The following GIMAP5 variants were observed in gnomAD, a reference collection of about 807,000 sequenced individuals.
GIMAP5 encodes the protein GTPase IMAP family member 5.
In GIMAP5, 8 loss-of-function variants were observed where a neutral mutation model predicts 9.9. The ratio of observed to expected loss-of-function variants is 0.81; its 90% confidence interval spans 0.47 to 1.45. The LOEUF is 1.45. Ranked by LOEUF, GIMAP5 falls within the 40% of genes most tolerant of loss-of-function variation. GIMAP5 has a pLI of 0.00. For synonymous variants in GIMAP5, 174 were observed against 151.4 expected (o/e 1.15, Z -1.09); for missense variants, 353 against 367.4 (o/e 0.96, Z 0.32).
intron 1 of GIMAP5, chr7:150,739,984 G>A (rs571245806): frequency 5.3e-5 from 8 of 152,254 alleles, no homozygotes; most frequent in Admixed American, 2.0e-4. Context: ...GTAAGTTTAA[G>A]CCAATTAAGA....
Position 150,742,774 on chromosome 7 carries a change from G to A in GIMAP5, c.635G>A (p.Arg212Lys). 1 of 1,614,134 alleles carries A rather than the reference G, an allele frequency of 6.2e-7. No individual in the cohort carries two copies. The highest frequency in any genetic ancestry group is 1.7e-4 in the Middle Eastern group (1 of 6,058). The change falls in exon 3 of 3, where the codon AGG becomes AAG. Residue 212 changes from arginine to lysine, a missense_variant. Transcript: ENST00000358647. ...ELLAVIERLG[R>K]EREGSFHSND... ...CTGGCTGTGATTGAGAGGCTGGGGA[G>A]GGAGCGAGAGGGCTCCTTCCACAGC...
rs1409798478 is a variant in GIMAP5 at position 150,742,603 on chromosome 7, A to T, written c.464A>T (p.Asp155Val). 6.2e-7 allele frequency: 1 copy of T among 1,614,040 alleles called. No individual in the cohort carries two copies. Among genetic ancestry groups the T allele is most frequent in the Non-Finnish European group, 8.5e-7 (1 of 1,180,022 alleles). The change falls in exon 3 of 3, where the codon GAC (aspartate) becomes GTC (valine). Residue 155 changes from aspartate to valine, a missense_variant. Coordinates refer to ENST00000358647, the MANE Select transcript of GIMAP5 (RefSeq NM_018384.5). ...GTCATCCTCTTCACCCACAAAGAGG[A>T]CTTAGGGGGCCAGGCCCTGGATGAC... The part of the protein sequence containing the change: ...HVVILFTHKE[D>V]LGGQALDDYV...
At position 150,742,435 on chromosome 7, in the gene GIMAP5, A is replaced by T; in HGVS notation, c.296A>T (p.Asn99Ile). 6.2e-7 allele frequency: 1 copy of T among 1,614,176 alleles called. No individual in the cohort carries two copies. Among genetic ancestry groups the T allele is most frequent in the Non-Finnish European group, 8.5e-7 (1 of 1,180,044 alleles). Residue 99 changes from asparagine (N) to isoleucine (I), a missense_variant, in exon 3 of 3, where the codon AAC becomes ATC. Physicochemically the swap from Asn to Ile is moderately radical, Grantham distance 149. Transcript: ENST00000358647. ...SQADTQELYKNIGDCYLLSAP... is the reference protein window; with the variant it reads ...SQADTQELYKIIGDCYLLSAP... ...GCCGATACCCAAGAGCTGTACAAGA[A>T]CATCGGGGACTGCTACCTGCTCTCT...
intron 2 of GIMAP5, 96 bp downstream of exon 2, chr7:150,741,023 C>A: frequency 7.5e-7 from 1 of 1,330,094 alleles, no homozygotes; most frequent in South Asian, 1.2e-5. Flanking sequence ...TGGCAGAAAC[C>A]CATTCATTTT....
chr7:150,739,725 G>A (rs954062027), intron 1 of GIMAP5: 2 of 151,948 alleles, frequency 1.3e-5, no homozygotes, highest in African/African-American at 2.4e-5. Context: ...AGAGAGGGGA[G>A]GGTAAAGAGG....
Position 150,737,619 on chromosome 7 carries a change from C to G in GIMAP5, c.-96C>G, listed in dbSNP as rs1369115400. ...ACACAGACGCAGAGCAGGACTCTCT[C>G]TGCTGCCACTTCACCTTCCTGAGAG... is the stretch of plus-strand genomic sequence containing the variant. On this transcript the variant is annotated 5_prime_UTR_variant, in exon 1 of 3. Transcript: ENST00000358647. The G allele has an allele frequency of 6.5e-7, 1 of 1,535,738 alleles. No homozygotes were observed. Among genetic ancestry groups the G allele is most frequent in the Admixed American group, 2.0e-5 (1 of 51,000 alleles).
In GIMAP5 at chr7:150,743,249, T is replaced by C; in HGVS notation, c.*186T>C. 1.5e-6 allele frequency: 1 copy of C among 688,106 alleles called. No individual in the cohort carries two copies. Among genetic ancestry groups the C allele is most frequent in the South Asian group, 2.0e-5 (1 of 50,202 alleles). The allele number at this position is 688,106 out of a possible 1,614,324, so 42.6% of individuals were successfully genotyped here. A position where few individuals can be genotyped will look rare whatever the true frequency, so the allele number is the denominator to read the frequency against. On this transcript the variant is annotated 3_prime_UTR_variant, in exon 3 of 3. Coordinates refer to ENST00000358647, the MANE Select transcript of GIMAP5 (RefSeq NM_018384.5). ...CTCCACTCCAAGGCTGCCTGCCTGCTGTAAACACTATTCCACTCTGTCTGC... is the reference window on the plus strand; with the variant it reads ...CTCCACTCCAAGGCTGCCTGCCTGCCGTAAACACTATTCCACTCTGTCTGC...
chr7:150,739,471 T>C (rs1797563327), intron 1 of GIMAP5: 1 of 152,234 alleles, frequency 6.6e-6, no homozygotes, highest in Admixed American at 6.5e-5. Context: ...AAATTATAAA[T>C]GTATTCACAG....
chr7:150,740,274 CG>C (rs1371248019), intron 1 of GIMAP5: 1 of 152,320 alleles, frequency 6.6e-6, no homozygotes, highest in Non-Finnish European at 1.5e-5. Flanking sequence ...CTCCACCAAC[CG>C]TCAGGGTGGG....
intron 1 of GIMAP5, chr7:150,740,259 C>T (rs1797574623): frequency 6.6e-6 from 1 of 152,328 alleles, no homozygotes; most frequent in Admixed American, 6.5e-5. Flanking sequence ...ACCTCACTAC[C>T]TCCTCTCCAC....
Position 150,742,683 on chromosome 7 carries a change from A to G in GIMAP5, c.544A>G (p.Arg182Gly), listed in dbSNP as rs747907400. ...GAAAGACCTGGTGCGGGAGTGTGAGAGAAGGTACTGTGCCTTCAACAACTG... is the reference window on the plus strand; with the variant it reads ...GAAAGACCTGGTGCGGGAGTGTGAGGGAAGGTACTGTGCCTTCAACAACTG... Reference protein sequence around the residue: ...SLKDLVRECERRYCAFNNWGS... With the variant: ...SLKDLVRECEGRYCAFNNWGS... The change falls in exon 3 of 3, where the codon AGA becomes GGA. Residue 182 changes from arginine to glycine, a missense_variant. Coordinates refer to ENST00000358647, the MANE Select transcript of GIMAP5 (RefSeq NM_018384.5). 1.9e-6 allele frequency: 3 copies of G among 1,614,246 alleles called. No individual in the cohort carries two copies. The highest frequency in any genetic ancestry group is 2.5e-6 in the Non-Finnish European group (3 of 1,180,050).
At position 150,737,677 on chromosome 7, in the gene GIMAP5, C is replaced by A. The variant is rs895574625; in HGVS notation, c.-38C>A. ...GCGGCCAGAGCCTCAGTGACTGCCA[C>A]CCTGGAGGACAGGGCACAACAACCG... On this transcript the variant is annotated 5_prime_UTR_variant, in exon 1 of 3. Coordinates refer to ENST00000358647, the MANE Select transcript of GIMAP5 (RefSeq NM_018384.5). 6.5e-7 allele frequency: 1 copy of A among 1,535,574 alleles called. No homozygotes were observed. Among genetic ancestry groups the A allele is most frequent in the Admixed American group, 2.0e-5 (1 of 50,974 alleles).
chr7:150,737,781 A>T, intron 1 of GIMAP5, 73 bp downstream of exon 1: 1 of 1,237,318 alleles, frequency 8.1e-7, no homozygotes, highest in South Asian at 1.3e-5. Context: ...ACAGCTGTTC[A>T]TTTCTGACAT....
At chr7:150,737,757 A>C in intron 1 of GIMAP5, 49 bp downstream of exon 1, 1 of 1,447,936 alleles carries the variant, frequency 6.9e-7, no homozygotes, top group Non-Finnish European at 9.4e-7. Flanking sequence ...AATTGAAAGG[A>C]TCACAGTTTG....
Position 150,743,216 on chromosome 7 carries a change from C to A in GIMAP5, c.*153C>A. Reference sequence around the variant, plus strand: ...CCCCTTCTTCCTGATAGACTTGGAGCTGTGTGCCTCCACTCCAAGGCTGCC... The same window carrying A: ...CCCCTTCTTCCTGATAGACTTGGAGATGTGTGCCTCCACTCCAAGGCTGCC... On this transcript the variant is annotated 3_prime_UTR_variant, in exon 3 of 3. Transcript: ENST00000358647. 1.0e-6 allele frequency: 1 copy of A among 978,124 alleles called. No homozygotes were observed. Among genetic ancestry groups the A allele is most frequent in the Non-Finnish European group, 1.5e-6 (1 of 678,938 alleles). The allele number at this position is 978,124 out of a possible 1,614,324, so 60.6% of individuals were successfully genotyped here. A position where few individuals can be genotyped will look rare whatever the true frequency, so the allele number is the denominator to read the frequency against.
intron 1 of GIMAP5, chr7:150,739,316 T>C (rs1797561490): frequency 6.7e-6 from 1 of 149,462 alleles, no homozygotes; most frequent in African/African-American, 2.4e-5. Flanking sequence ...TTCCTGATGC[T>C]AGCTCCATTG....
rs755852343 is a variant in GIMAP5, at chr7:150,742,666, T to C, written c.527T>C (p.Leu176Pro). 3 of 1,614,052 alleles carry C rather than the reference T, an allele frequency of 1.9e-6. No individual in the cohort carries two copies. The highest frequency in any genetic ancestry group is 1.7e-6 in the Non-Finnish European group (2 of 1,180,032). Residue 176 changes from leucine to proline, a missense_variant, in exon 3 of 3, where the codon CTG becomes CCG. Leu to Pro is a moderately conservative substitution (Grantham distance 98). Transcript: ENST00000358647. ...ANTDNCSLKD[L>P]VRECERRYCA... Reference sequence around the variant, plus strand: ...ACGGACAACTGCAGCCTGAAAGACCTGGTGCGGGAGTGTGAGAGAAGGTAC... The same window carrying C: ...ACGGACAACTGCAGCCTGAAAGACCCGGTGCGGGAGTGTGAGAGAAGGTAC...
At position 150,737,940 on chromosome 7, in the gene GIMAP5, C is replaced by T. The variant is rs114911302; in HGVS notation, c.-7+232C>T. The T allele has an allele frequency of 2.6e-3, 1,509 of 571,054 alleles. 13 individuals are homozygous for T. Among genetic ancestry groups the T allele is most frequent in the African/African-American group, 0.026 (1,369 of 53,328 alleles). The allele number at this position is 571,054 out of a possible 1,614,324, so 35.4% of individuals were successfully genotyped here. On this transcript the variant is annotated intron_variant, in intron 1 of 2. Coordinates refer to ENST00000358647, the MANE Select transcript of GIMAP5 (RefSeq NM_018384.5). ...CACTCACAGCCCAGTCCCAGGACAGCGGGCTTTGCTGCCCCATTGCCCATT... is the reference window on the plus strand; with the variant it reads ...CACTCACAGCCCAGTCCCAGGACAGTGGGCTTTGCTGCCCCATTGCCCATT...
At position 150,737,691 on chromosome 7, in the gene GIMAP5, G is replaced by A. The variant is rs1358392947; in HGVS notation, c.-24G>A. On this transcript the variant is annotated 5_prime_UTR_variant, in exon 1 of 3. Transcript: ENST00000358647. ...AGTGACTGCCACCCTGGAGGACAGG[G>A]CACAACAACCGTTTCTGGTAAGGAG... 2.6e-6 allele frequency: 4 copies of A among 1,535,594 alleles called. No homozygotes were observed. In the Middle Eastern group the frequency reaches 5.1e-4, roughly 194 times the overall value.
Sources: allele counts gnomAD v4.1 joint callset, GRCh38; gene constraint gnomAD v4.1.1; transcripts MANE v1.5; gene names NCBI Gene and HGNC (gene_info 2026-07-23, HGNC 2026-07-21).